The following AFAP1L1 variants were observed in gnomAD, a reference collection of about 807,000 sequenced individuals.
The protein encoded by AFAP1L1 is actin filament associated protein 1 like 1, also known as actin filament-associated protein 1-like 1.
AFAP1L1 carries 77 observed loss-of-function variants against 99.8 expected under a neutral mutation model. The ratio of observed to expected loss-of-function variants is 0.77; its 90% CI spans 0.64 to 0.93. AFAP1L1 has a LOEUF of 0.93. Among genes scored for constraint, AFAP1L1 ranks in the 40% least tolerant of loss-of-function variants. The pLI is 0.00. For missense variants in AFAP1L1, 893 were observed against 996.8 expected, an observed-to-expected ratio of 0.90 and a Z score of 1.40; for synonymous variants, 373 against 395.3, an observed-to-expected ratio of 0.94 and a Z score of 0.67.
chr5:149,318,092 A>C, intron 12 of AFAP1L1, 152 bp downstream of exon 12: 1 of 855,230 alleles, frequency 1.2e-6, no homozygotes, highest in East Asian at 2.7e-5. Flanking sequence ...ACCCAAGTAG[A>C]TTATAAGACA....
At chr5:149,326,559 A>G (rs1459386861) in intron 15 of AFAP1L1, among the ~76,000 whole-genome samples, 4 of 148,246 alleles carry the variant, frequency 2.7e-5, no homozygotes, top group South Asian at 2.1e-4. Flanking sequence ...AAAAAAAAAA[A>G]AAAGAAAGAA....
chr5:149,293,464 A>G (rs1755922635), intron 1 of AFAP1L1, among the ~76,000 whole-genome samples: 2 of 152,230 alleles, frequency 1.3e-5, no homozygotes, highest in Admixed American at 1.3e-4. Context: ...TTGTGTGACC[A>G]TAACTAAGTT....
chr5:149,285,134 G>A (rs1206260061), intron 1 of AFAP1L1, among the ~76,000 whole-genome samples: 1 of 152,118 alleles, frequency 6.6e-6, no homozygotes, highest in East Asian at 1.9e-4. Context: ...TGTGGGGCAG[G>A]TTCATGGGGG....
intron 1 of AFAP1L1, among the ~76,000 whole-genome samples, chr5:149,274,798 T>C (rs1755258610): frequency 6.6e-6 from 1 of 150,754 alleles, no homozygotes; most frequent in South Asian, 2.1e-4. Context: ...AGAGGAGGCA[T>C]CGCTTGAACC....
intron 11 of AFAP1L1, among the ~76,000 whole-genome samples, chr5:149,316,854 G>GA (rs920501115): frequency 1.3e-5 from 2 of 152,120 alleles, no homozygotes; most frequent in Non-Finnish European, 2.9e-5. Flanking sequence ...TTCTAACCCT[G>GA]AAAAAAATAT....
chr5:149,341,762 A>C lies in AFAP1L1; in HGVS notation c.*1732A>C, dbSNP rs1466511392. 1 of 151,740 alleles carries C rather than the reference A, an allele frequency of 6.6e-6. No homozygotes were observed. Among genetic ancestry groups the C allele is most frequent in the East Asian group, 1.9e-4 (1 of 5,172 alleles). 9.4% of individuals were successfully genotyped at this position (151,740 alleles called of 1,614,324 possible). A position where few individuals can be genotyped will look rare whatever the true frequency, so the allele number is the denominator to read the frequency against. On this transcript the variant is annotated 3_prime_UTR_variant, in exon 19 of 19. Coordinates refer to ENST00000296721, the MANE Select transcript of AFAP1L1 (RefSeq NM_152406.4). ...CAGCCTAAGCAAATAGCAAGACCCC[A>C]TCTATTAAAAAAAAAAAGTGGCTAT...
chr5:149,295,150 C>T (rs1424085926), intron 1 of AFAP1L1, among the ~76,000 whole-genome samples: 1 of 152,204 alleles, frequency 6.6e-6, no homozygotes, highest in African/African-American at 2.4e-5. Flanking sequence ...GCAGAAACCC[C>T]ACCAGGACTG....
intron 6 of AFAP1L1, among the ~76,000 whole-genome samples, chr5:149,306,763 T>G (rs1442991098): frequency 6.6e-6 from 1 of 152,236 alleles, no homozygotes; most frequent in Non-Finnish European, 1.5e-5. Context: ...GACAATAGCA[T>G]AAATTTATTG....
At chr5:149,305,122 C>T (rs1214746614) in intron 5 of AFAP1L1, among the ~76,000 whole-genome samples, 1 of 152,242 alleles carries the variant, frequency 6.6e-6, no homozygotes, top group Non-Finnish European at 1.5e-5. Flanking sequence ...GTAATAACAG[C>T]TGGCACTTGT....
chr5:149,307,259 A>C (rs1478233252), intron 6 of AFAP1L1, 143 bp from the exon 7 acceptor site: 1 of 803,464 alleles, frequency 1.2e-6, no homozygotes, highest in East Asian at 2.5e-5. Context: ...AAAAAAAAGT[A>C]GGGGCCTTAG....
chr5:149,307,720 T>C, intron 7 of AFAP1L1, 107 bp downstream of exon 7: 1 of 1,230,456 alleles, frequency 8.1e-7, no homozygotes, highest in Non-Finnish European at 1.1e-6. Flanking sequence ...CTGGATTGAC[T>C]GTGTGCACAG....
chr5:149,317,937 G>C lies in AFAP1L1; in HGVS notation c.1476G>C (p.Leu492Phe), dbSNP rs1046988710. The stretch of plus-strand genomic sequence containing the variant: ...GCAACCGGCAGGAGGTGGCCATCTT[G>C]GAGGTGAGAGGAGAGGGTGGGACGT... ...ILRNRQEVAI[L>F]EASCSEDMGR... Residue 492 changes from leucine to phenylalanine, a missense_variant, in exon 12 of 19, where the codon TTG (leucine) becomes TTC (phenylalanine). Coordinates refer to ENST00000296721, the MANE Select transcript of AFAP1L1 (RefSeq NM_152406.4). The C allele has an allele frequency of 1.9e-6, 3 of 1,565,490 alleles. No homozygotes were observed. The African/African-American group carries it at 4.1e-5, about 21-fold the overall frequency.
At chr5:149,275,884 C>G (rs887650837) in intron 1 of AFAP1L1, among the ~76,000 whole-genome samples, 2 of 152,200 alleles carry the variant, frequency 1.3e-5, no homozygotes, top group Admixed American at 1.3e-4. Flanking sequence ...TTAATTACCT[C>G]CATAAAGACC....
In AFAP1L1 at chr5:149,300,319, G is replaced by C; in HGVS notation, c.194G>C (p.Gly65Ala). ...LYVNTADLHS[G>A]PSFVESLFEE... ...GTGAACACAGCAGACCTCCACTCGG[G>C]GCCCAGCTTCGTGGAATCCCTCTTT... The change falls in exon 3 of 19, where the codon GGG (glycine) becomes GCG (alanine). Residue 65 changes from glycine to alanine, a missense_variant. Transcript: ENST00000296721. The C allele has an allele frequency of 6.2e-7, 1 of 1,613,490 alleles. No homozygotes were observed. Among genetic ancestry groups the C allele is most frequent in the Non-Finnish European group, 8.5e-7 (1 of 1,179,758 alleles).
At chr5:149,319,008 C>A (rs114544877) in intron 12 of AFAP1L1, among the ~76,000 whole-genome samples, 1 of 152,088 alleles carries the variant, frequency 6.6e-6, no homozygotes, top group African/African-American at 2.4e-5. Context: ...ATCTTATACA[C>A]GAAGGTTTCT....
intron 1 of AFAP1L1, among the ~76,000 whole-genome samples, chr5:149,283,775 A>AT (rs911994606): frequency 9.2e-5 from 14 of 151,502 alleles, no homozygotes; most frequent in South Asian, 2.1e-4. Context: ...ACCAAGGGGG[A>AT]TTTTTTTTTA....
rs372053895 is a variant in AFAP1L1 at position 149,306,262 on chromosome 5, T to C, written c.437-44T>C. 3.4e-5 allele frequency: 52 copies of C among 1,547,882 alleles called. No homozygotes were observed. In the East Asian group the frequency reaches 9.3e-4, roughly 28 times the overall value. On this transcript the variant is annotated intron_variant, in intron 5 of 18. Transcript: ENST00000296721. ...TCCCCCAGTCCTGGCCCCTGGAGTC[T>C]GCCTGCATTTCTCCAAAGTGCAGCT...
intron 18 of AFAP1L1, among the ~76,000 whole-genome samples, chr5:149,337,226 G>A (rs1002740993): frequency 6.6e-6 from 1 of 152,084 alleles, no homozygotes; most frequent in East Asian, 1.9e-4. Flanking sequence ...GGGATCTAAT[G>A]TACAGAATCA....
intron 11 of AFAP1L1, 54 bp downstream of exon 11, chr5:149,316,357 T>C (rs2127598688): frequency 1.9e-6 from 3 of 1,580,122 alleles, no homozygotes; most frequent in Non-Finnish European, 2.6e-6. Context: ...GCGCGGGCTT[T>C]GGGGGCTGAG....
Sources: allele counts gnomAD v4.1 joint callset (sites outside exome capture counted in the v4.1 genomes callset), GRCh38; gene constraint gnomAD v4.1.1; transcripts MANE v1.5; gene names NCBI Gene and HGNC (gene_info 2026-07-23, HGNC 2026-07-21).